MYCBP2: variants seen among roughly 807,000 people sequenced by gnomAD.
MYCBP2 encodes the protein MYC binding protein 2.
In MYCBP2, 120 loss-of-function variants were observed where a neutral mutation model predicts 525.3. The observed-to-expected ratio is 0.23, with a 90% confidence interval of 0.20 to 0.27. The LOEUF is 0.27. Among genes scored for constraint, MYCBP2 ranks in the 10% least tolerant of loss-of-function variants. The pLI, the probability that MYCBP2 is intolerant of heterozygous loss-of-function variation, is 1.00. For synonymous variants in MYCBP2, 1,894 were observed against 1,955.8 expected, an observed-to-expected ratio of 0.97 and a Z score of 0.83; for missense variants, 4,149 against 5,657.1, an observed-to-expected ratio of 0.73 and a Z score of 8.55.
chr13:77,097,776 T>G lies in MYCBP2; in HGVS notation c.9378A>C (p.Glu3126Asp), dbSNP rs750782053. The stretch of plus-strand genomic sequence containing the variant: ...CCTCACATTTTTCATGCAGAGGTGG[T>G]TCCTTAAGCATAGACAATACCTTGT... ...NKNKVLSMLK[E>D]PPLHEKCEDG... Residue 3126 changes from glutamate (E) to aspartate (D), a missense_variant, in exon 56 of 83, where the codon GAA (glutamate) becomes GAC (aspartate). Glu to Asp is a conservative substitution (Grantham distance 45, BLOSUM62 2). Around this residue, in one of 21 missense-constraint regions of MYCBP2, gnomAD observed 653 missense variants for 744.7 expected, o/e 0.88. Transcript: ENST00000544440. The G allele has an allele frequency of 6.2e-7, 1 of 1,613,666 alleles. No individual in the cohort carries two copies. Among genetic ancestry groups the G allele is most frequent in the Admixed American group, 1.7e-5 (1 of 59,936 alleles).
chr13:77,134,891 T>C (rs1439908289), intron 52 of MYCBP2, among the ~76,000 whole-genome samples: 2 of 152,196 alleles, frequency 1.3e-5, no homozygotes, highest in Non-Finnish European at 2.9e-5. Context: ...TACTTAACGA[T>C]GAATACACGA....
chr13:77,077,607 G>T, intron 66 of MYCBP2: 2 of 459,596 alleles, frequency 4.4e-6, no homozygotes, highest in Non-Finnish European at 7.5e-6. Flanking sequence ...GGTTAATACA[G>T]GTTAAGGGAT....
At chr13:77,257,269 G>A (rs1053713989) in intron 14 of MYCBP2, among the ~76,000 whole-genome samples, 6 of 152,076 alleles carry the variant, frequency 3.9e-5, no homozygotes, top group African/African-American at 1.4e-4. Context: ...TGGGAAATGG[G>A]ATGGTTAGTT....
At chr13:77,192,061 A>G (rs947983868) in intron 27 of MYCBP2, among the ~76,000 whole-genome samples, 2 of 152,264 alleles carry the variant, frequency 1.3e-5, no homozygotes, top group Non-Finnish European at 2.9e-5. Flanking sequence ...TAAATGTTAT[A>G]AAACTTTCAT....
In MYCBP2 at chr13:77,095,458, G is replaced by C. The variant is rs771532789; in HGVS notation, c.10099C>G (p.Pro3367Ala). 6.2e-7 allele frequency: 1 copy of C among 1,613,598 alleles called. No individual in the cohort carries two copies. The highest frequency in any genetic ancestry group is 1.1e-5 in the South Asian group (1 of 91,076). ...AACTGAGATTGGAATGGCTTTGCAG[G>C]ATGGTAACACAGAATGCTCGGTTCT... ...AAEPSILCYH[P>A]AKPFQSQLPS... The change falls in exon 58 of 83, where the codon CCT becomes GCT. Residue 3367 changes from proline to alanine, a missense_variant. This residue lies in a region of MYCBP2 where 509 missense variants were observed against 789.4 expected (regional missense o/e 0.64). Transcript: ENST00000544440.
At chr13:77,170,504 C>T (rs1207683910) in intron 38 of MYCBP2, among the ~76,000 whole-genome samples, 1 of 151,806 alleles carries the variant, frequency 6.6e-6, no homozygotes, top group Admixed American at 6.6e-5. Context: ...TTATTTTCAG[C>T]AAGCTTTCCA....
chr13:77,177,334 C>CTTT (rs748460042), intron 35 of MYCBP2, among the ~76,000 whole-genome samples: 24 of 122,892 alleles, frequency 2.0e-4, no homozygotes, highest in Admixed American at 2.5e-4. Context: ...TCTTTTCTTT[C>CTTT]TTTTTTTTTT....
intron 46 of MYCBP2, 27 bp from the exon 47 acceptor site, chr13:77,150,976 T>C (rs750666224): frequency 6.5e-7 from 1 of 1,544,476 alleles, no homozygotes; most frequent in Admixed American, 1.7e-5. Context: ...AGAAACCAAA[T>C]ACCATTATTA....
intron 75 of MYCBP2, 87 bp downstream of exon 75, chr13:77,061,575 T>C (rs984957147): frequency 2.1e-6 from 3 of 1,462,270 alleles, no homozygotes; most frequent in East Asian, 4.9e-5. Context: ...AAGTCCACTT[T>C]TTCCCCCTAC....
chr13:77,315,019 C>A (rs2080764350), intron 1 of MYCBP2, among the ~76,000 whole-genome samples: 1 of 152,046 alleles, frequency 6.6e-6, no homozygotes, highest in African/African-American at 2.4e-5. Flanking sequence ...TAACTTCATG[C>A]TAAAAACTTC....
chr13:77,152,621 A>G (rs1335467063), intron 46 of MYCBP2, among the ~76,000 whole-genome samples: 2 of 152,200 alleles, frequency 1.3e-5, no homozygotes. Flanking sequence ...GAGAAGCAGC[A>G]ACTGATGAGA....
intron 2 of MYCBP2, among the ~76,000 whole-genome samples, chr13:77,290,322 A>G (rs558571514): frequency 6.6e-6 from 1 of 152,350 alleles, no homozygotes; most frequent in East Asian, 1.9e-4. Context: ...ACAAAACTAA[A>G]TATGTGCTTA....
intron 52 of MYCBP2, among the ~76,000 whole-genome samples, chr13:77,135,442 T>C (rs2053595757): frequency 6.6e-6 from 1 of 152,174 alleles, no homozygotes; most frequent in African/African-American, 2.4e-5. Flanking sequence ...TTATTCTATG[T>C]CCTACCATGT....
chr13:77,262,891 A>G (rs747204310), intron 10 of MYCBP2, among the ~76,000 whole-genome samples: 1 of 152,030 alleles, frequency 6.6e-6, no homozygotes, highest in Non-Finnish European at 1.5e-5. Context: ...TAAAAATACT[A>G]CATAATTAGA....
At chr13:77,223,906 C>T (rs1157543484) in intron 20 of MYCBP2, among the ~76,000 whole-genome samples, 1 of 145,762 alleles carries the variant, frequency 6.9e-6, no homozygotes. Context: ...CGAACTAAAA[C>T]TAAAACTAAA....
chr13:77,273,398 C>T, intron 5 of MYCBP2, 74 bp downstream of exon 5: 1 of 1,325,684 alleles, frequency 7.5e-7, no homozygotes. Context: ...AGCAGAATTC[C>T]TATTGACAGA....
Position 77,121,354 on chromosome 13 carries a change from C to G in MYCBP2, c.8140+19G>C. 1 of 1,504,656 alleles carries G rather than the reference C, an allele frequency of 6.6e-7. No homozygotes were observed. The highest frequency in any genetic ancestry group is 9.0e-7 in the Non-Finnish European group (1 of 1,117,052). 93.2% of individuals were successfully genotyped at this position (1,504,656 alleles called of 1,614,324 possible). Reference sequence around the variant, plus strand: ...ATATTGAAGTTAGGTAAGTAAAAGACTTACTTTTAAATACCTACCTTTGCT... The same window carrying G: ...ATATTGAAGTTAGGTAAGTAAAAGAGTTACTTTTAAATACCTACCTTTGCT... On this transcript the variant is annotated intron_variant, in intron 55 of 82. Coordinates refer to ENST00000544440, the MANE Select transcript of MYCBP2 (RefSeq NM_015057.5).
Position 77,292,077 on chromosome 13 carries a change from T to A in MYCBP2, c.379-3701A>T, listed in dbSNP as rs139139112. 8.7e-3 allele frequency among the ~76,000 whole-genome samples: 1,323 copies of A among 152,296 alleles called. 21 individuals carry two copies. Among genetic ancestry groups the A allele is most frequent in the African/African-American group, 0.03 (1,231 of 41,536 alleles). On this transcript the variant is annotated intron_variant, in intron 2 of 82. Coordinates refer to ENST00000544440, the MANE Select transcript of MYCBP2 (RefSeq NM_015057.5). ...ATGTCTGATTGACTAACAAGATATGTCTGTGTGACCAAACCCACAAAGTCT... is the reference window on the plus strand; with the variant it reads ...ATGTCTGATTGACTAACAAGATATGACTGTGTGACCAAACCCACAAAGTCT...
chr13:77,269,497 G>A (rs1168532135), intron 7 of MYCBP2, among the ~76,000 whole-genome samples: 1 of 152,068 alleles, frequency 6.6e-6, no homozygotes, highest in Admixed American at 6.6e-5. Context: ...AATTAGCTAG[G>A]CATGGTGGCA....
Sources: gnomAD v4.1 joint callset for allele counts (sites outside exome capture counted in the v4.1 genomes callset) on GRCh38, gnomAD v4.1.1 for gene constraint, gnomAD v4.1.1 regional missense constraint, MANE v1.5 for transcripts, NCBI Gene and HGNC (gene_info 2026-07-23, HGNC 2026-07-21) for gene names.